Variants in ACTR3C observed in about 807,000 individuals in gnomAD.
ACTR3C encodes the protein actin-related protein 3C.
ACTR3C carries 18 observed loss-of-function variants against 26.3 expected under a neutral mutation model. The ratio of observed to expected loss-of-function variants is 0.68; its 90% CI spans 0.47 to 1.01. The LOEUF (loss-of-function observed/expected upper bound fraction) is 1.01. Among genes scored for constraint, ACTR3C ranks in the 50% least tolerant of loss-of-function variants. The pLI, the probability that ACTR3C is intolerant of heterozygous loss-of-function variation, is 0.00. For synonymous variants in ACTR3C, 55 were observed against 94.5 expected (o/e 0.58, Z 2.42); for missense variants, 184 against 250.7 (o/e 0.73, Z 1.80).
chr7:150,004,650 T>C, the ACTR3C span: 1 of 150,750 alleles, frequency 6.6e-6, no homozygotes, highest in Non-Finnish European at 1.5e-5. Flanking sequence ...TTAAATAAGA[T>C]ATCAAAATGA....
the ACTR3C span, among the ~76,000 whole-genome samples, chr7:150,036,149 G>C: frequency 7.6e-6 from 1 of 131,416 alleles, no homozygotes; most frequent in African/African-American, 2.8e-5. Flanking sequence ...TCCCCGCCTC[G>C]TGGGGGGTGC....
the ACTR3C span, among the ~76,000 whole-genome samples, chr7:149,964,450 A>G: frequency 6.6e-6 from 1 of 152,202 alleles, no homozygotes; most frequent in Non-Finnish European, 1.5e-5. Context: ...GATAAAAAAT[A>G]TAGTGGGAGG....
chr7:150,142,689 C>T, the ACTR3C span, among the ~76,000 whole-genome samples: 3 of 151,474 alleles, frequency 2.0e-5, no homozygotes, highest in South Asian at 4.2e-4. Context: ...CCACCACACC[C>T]AGCTAAGTTT....
chr7:150,318,141 C>T (rs141587677), intron 1 of ACTR3C, among the ~76,000 whole-genome samples: 5 of 152,248 alleles, frequency 3.3e-5, no homozygotes, highest in Admixed American at 1.3e-4. Flanking sequence ...AAAGCTATGA[C>T]GGTGAAAAGC....
the ACTR3C span, among the ~76,000 whole-genome samples, chr7:150,037,870 T>A: frequency 1.1e-5 from 1 of 89,358 alleles, no homozygotes; most frequent in African/African-American, 4.6e-5. Flanking sequence ...GCGATGGGGG[T>A]CCTAAGAGCA....
At chr7:149,976,302 C>T in the ACTR3C span, among the ~76,000 whole-genome samples, 3 of 152,096 alleles carry the variant, frequency 2.0e-5, no homozygotes, top group Non-Finnish European at 2.9e-5. Flanking sequence ...TGGCCGGGCG[C>T]GGTGGCTCAA....
the ACTR3C span, among the ~76,000 whole-genome samples, chr7:150,210,845 C>T: frequency 6.3e-5 from 9 of 143,882 alleles, 1 homozygote; most frequent in South Asian, 1.9e-3. Context: ...CATGTGCACA[C>T]GTCAATACTT....
the ACTR3C span, among the ~76,000 whole-genome samples, chr7:150,186,928 T>A: frequency 6.6e-6 from 1 of 152,200 alleles, no homozygotes; most frequent in African/African-American, 2.4e-5. Context: ...ACCATTCGAT[T>A]TGTTTTTTAA....
chr7:149,991,728 T>C, the ACTR3C span, among the ~76,000 whole-genome samples: 38 of 152,210 alleles, frequency 2.5e-4, no homozygotes, highest in African/African-American at 9.2e-4. Flanking sequence ...TTCGATCTTA[T>C]GTTTTTTTGG....
At chr7:149,884,968 G>A in the ACTR3C span, among the ~76,000 whole-genome samples, 1 of 152,298 alleles carries the variant, frequency 6.6e-6, no homozygotes, top group East Asian at 1.9e-4. Context: ...GGATGTCCAA[G>A]CCCTGACACT....
the ACTR3C span, among the ~76,000 whole-genome samples, chr7:149,956,179 T>C: frequency 6.6e-6 from 1 of 152,228 alleles, no homozygotes; most frequent in Non-Finnish European, 1.5e-5. Context: ...TCTAAAACTC[T>C]AAGGATTTAG....
the ACTR3C span, among the ~76,000 whole-genome samples, chr7:150,005,356 G>C: frequency 6.6e-6 from 1 of 152,156 alleles, no homozygotes; most frequent in Non-Finnish European, 1.5e-5. Flanking sequence ...GAACCACCAA[G>C]GGTCAGCCAG....
chr7:150,300,981 C>A (rs1795402670), intron 1 of ACTR3C, among the ~76,000 whole-genome samples: 1 of 152,094 alleles, frequency 6.6e-6, no homozygotes, highest in Admixed American at 6.5e-5. Context: ...CTTAAGCTAC[C>A]TCCTATCGAT....
At chr7:149,959,225 C>A in the ACTR3C span, among the ~76,000 whole-genome samples, 8 of 16,438 alleles carry the variant, frequency 4.9e-4, no homozygotes, top group East Asian at 1.5e-3. Flanking sequence ...TTAGCTCGCC[C>A]CCCACCCCCA....
chr7:150,149,588 TG>T, the ACTR3C span, among the ~76,000 whole-genome samples: 1 of 145,622 alleles, frequency 6.9e-6, no homozygotes, highest in Non-Finnish European at 1.5e-5. Context: ...AGTGAGAACA[TG>T]TGGTGTTTGG....
chr7:150,180,027 C>T, the ACTR3C span, among the ~76,000 whole-genome samples: 8 of 150,710 alleles, frequency 5.3e-5, no homozygotes, highest in East Asian at 3.9e-4. Flanking sequence ...CTTCCGTGGC[C>T]GGGCGCAGTG....
chr7:149,938,978 ATG>A, the ACTR3C span, among the ~76,000 whole-genome samples: 7 of 147,266 alleles, frequency 4.8e-5, no homozygotes, highest in African/African-American at 7.6e-5. Flanking sequence ...ATACATATAT[ATG>A]TATATAATAT....
At chr7:150,146,924 G>T in the ACTR3C span, among the ~76,000 whole-genome samples, 16 of 152,146 alleles carry the variant, frequency 1.1e-4, no homozygotes, top group Non-Finnish European at 1.9e-4. Flanking sequence ...TGCTATAGCA[G>T]CTGGAAGAAC....
chr7:150,208,822 A>G, the ACTR3C span, among the ~76,000 whole-genome samples: 2 of 152,220 alleles, frequency 1.3e-5, no homozygotes, highest in African/African-American at 4.8e-5. Flanking sequence ...ATGGCATTTG[A>G]TCAATTGAAA....
Sources: allele counts gnomAD v4.1 joint callset (sites outside exome capture counted in the v4.1 genomes callset), GRCh38; gene constraint gnomAD v4.1.1; transcripts MANE v1.5; gene names NCBI Gene and HGNC (gene_info 2026-07-23, HGNC 2026-07-21).